INTS15: variants seen among roughly 807,000 people sequenced by gnomAD.
INTS15 encodes the protein integrator complex subunit 15, also known as uncharacterized protein C7orf26.
the INTS15 span, among the ~76,000 whole-genome samples, chr7:6,600,536 C>T: frequency 6.6e-6 from 1 of 152,190 alleles, no homozygotes; most frequent in Non-Finnish European, 1.5e-5. Flanking sequence ...CCTGCTCACC[C>T]CGTCAGGGTC....
At chr7:6,594,167 C>T in the INTS15 span, among the ~76,000 whole-genome samples, 53 of 151,652 alleles carry the variant, frequency 3.5e-4, no homozygotes, top group Non-Finnish European at 6.8e-4. Context: ...CCCCACCATT[C>T]CCAGTTAATT....
At chr7:6,594,979 C>T in the INTS15 span, among the ~76,000 whole-genome samples, 92 of 152,236 alleles carry the variant, frequency 6.0e-4, no homozygotes, top group South Asian at 5.4e-3. Flanking sequence ...CCACCCGCCT[C>T]GGCCTCCCAA....
chr7:6,596,380 T>C, the INTS15 span, among the ~76,000 whole-genome samples: 1 of 145,660 alleles, frequency 6.9e-6, no homozygotes, highest in Non-Finnish European at 1.5e-5. Flanking sequence ...GTCACCCTTT[T>C]TTTTTTTTTT....
chr7:6,598,705 GC>G, the INTS15 span, among the ~76,000 whole-genome samples: 1 of 148,444 alleles, frequency 6.7e-6, no homozygotes, highest in Non-Finnish European at 1.5e-5. Context: ...TAAAAGCCAG[GC>G]TGCTGAGGTC....
At chr7:6,600,544 G>A in the INTS15 span, among the ~76,000 whole-genome samples, 3 of 152,232 alleles carry the variant, frequency 2.0e-5, 1 homozygote, top group African/African-American at 7.2e-5. Context: ...CCCCGTCAGG[G>A]TCCTAACATC....
the INTS15 span, among the ~76,000 whole-genome samples, chr7:6,603,957 G>A: frequency 3.9e-5 from 6 of 151,930 alleles, no homozygotes; most frequent in South Asian, 2.1e-4. Flanking sequence ...AGTTGTGGTC[G>A]CAACTGTACT....
the INTS15 span, among the ~76,000 whole-genome samples, chr7:6,598,021 T>C: frequency 6.6e-6 from 1 of 152,188 alleles, no homozygotes; most frequent in Non-Finnish European, 1.5e-5. Context: ...TGCCAACGTG[T>C]ATGATGAGGG....
chr7:6,601,170 C>T, the INTS15 span, among the ~76,000 whole-genome samples: 2 of 152,154 alleles, frequency 1.3e-5, no homozygotes, highest in African/African-American at 4.8e-5. Flanking sequence ...AGGGTCTCAC[C>T]ATCTTGTCCA....
At chr7:6,606,680 A>G in the INTS15 span, among the ~76,000 whole-genome samples, 1 of 143,120 alleles carries the variant, frequency 7.0e-6, no homozygotes, top group Non-Finnish European at 1.5e-5. Context: ...GAAGCTGGGA[A>G]GGGCCCCAGA....
the INTS15 span, among the ~76,000 whole-genome samples, chr7:6,598,272 C>G: frequency 1.3e-5 from 2 of 151,864 alleles, no homozygotes; most frequent in African/African-American, 4.8e-5. Context: ...GAGTTGGAGA[C>G]CAGCCTGGCC....
the INTS15 span, among the ~76,000 whole-genome samples, chr7:6,598,979 G>C: frequency 1.3e-5 from 2 of 151,850 alleles, no homozygotes; most frequent in African/African-American, 2.4e-5. Flanking sequence ...GTAGAGACTG[G>C]GTCTCACTAT....
At chr7:6,604,784 C>T in the INTS15 span, among the ~76,000 whole-genome samples, 15 of 152,182 alleles carry the variant, frequency 9.9e-5, no homozygotes, top group African/African-American at 2.9e-4. Context: ...GACTCCCATC[C>T]GTGCCACACT....
At chr7:6,594,514 A>G in the INTS15 span, 1 of 1,614,058 alleles carries the variant, frequency 6.2e-7, no homozygotes, top group Non-Finnish European at 8.5e-7. Flanking sequence ...GGATCCATTC[A>G]GACGCTGAAG....
At chr7:6,591,989 T>G in the INTS15 span, 3 of 788,970 alleles carry the variant, frequency 3.8e-6, no homozygotes, top group Non-Finnish European at 6.1e-6. Flanking sequence ...CTGACCAACA[T>G]GGCGAAATCA....
At chr7:6,604,315 C>G in the INTS15 span, among the ~76,000 whole-genome samples, 1 of 152,178 alleles carries the variant, frequency 6.6e-6, no homozygotes, top group African/African-American at 2.4e-5. Context: ...ACAACCTGTC[C>G]TACAGCGGGG....
chr7:6,594,638 CA>C, the INTS15 span: 3 of 1,594,424 alleles, frequency 1.9e-6, no homozygotes, highest in Non-Finnish European at 1.7e-6. Flanking sequence ...GAAGAAGCTT[CA>C]GTCAATGGCT....
the INTS15 span, chr7:6,590,171 G>T: frequency 1.1e-6 from 1 of 930,142 alleles, no homozygotes; most frequent in Non-Finnish European, 1.4e-6. Flanking sequence ...AAGCGGGCGG[G>T]TGCCGCAGCC....
At chr7:6,603,260 T>C in the INTS15 span, among the ~76,000 whole-genome samples, 1 of 142,350 alleles carries the variant, frequency 7.0e-6, no homozygotes, top group African/African-American at 2.6e-5. Context: ...AAATAAAAAA[T>C]AAAAAGGCCA....
chr7:6,590,447 T>TGCCCAAGGAGCGCAGCGCGCA, the INTS15 span: 2 of 1,597,704 alleles, frequency 1.3e-6, no homozygotes, highest in Admixed American at 1.7e-5. Context: ...GTGTTCCAGG[T>TGCCCAAGGAGCGCAGCGCGCA]GCCCAAGGAG....
Sources: gnomAD v4.1 joint callset for allele counts (sites outside exome capture counted in the v4.1 genomes callset) on GRCh38, gnomAD v4.1.1 for gene constraint, MANE v1.5 for transcripts, NCBI Gene and HGNC (gene_info 2026-07-23, HGNC 2026-07-21) for gene names.